Variants in ZNF221 observed in about 807,000 individuals in gnomAD.
The protein encoded by ZNF221 is zinc finger protein 221.
Under a neutral mutation model 12.6 loss-of-function variants are expected in ZNF221, and 10 were observed. That is an observed-to-expected ratio of 0.79 (90% confidence interval 0.49 to 1.34). The LOEUF (loss-of-function observed/expected upper bound fraction) is 1.34. Ranked by LOEUF, ZNF221 falls within the 40% of genes most tolerant of loss-of-function variation. The pLI is 0.00. For synonymous variants in ZNF221, 232 were observed against 244.0 expected (o/e 0.95, Z 0.46); for missense variants, 661 against 721.4 (o/e 0.92, Z 0.96).
chr19:43,966,519 A>T lies in ZNF221; in HGVS notation c.1017A>T (p.Arg339Ser). ...SMVHTGEKPFRCDTCGKNFRQ... is the reference protein window; with the variant it reads ...SMVHTGEKPFSCDTCGKNFRQ... Reference sequence around the variant, plus strand: ...TTCACACAGGAGAAAAACCATTCAGATGTGATACATGTGGCAAGAACTTTC... The same window carrying T: ...TTCACACAGGAGAAAAACCATTCAGTTGTGATACATGTGGCAAGAACTTTC... The change falls in exon 5 of 5, where the codon AGA becomes AGT. Residue 339 changes from arginine (R) to serine (S), a missense_variant. Arg to Ser is a moderately radical substitution (Grantham distance 110). Transcript: ENST00000587682. 1 of 1,614,152 alleles carries T rather than the reference A, an allele frequency of 6.2e-7. No homozygotes were observed. Among genetic ancestry groups the T allele is most frequent in the South Asian group, 1.1e-5 (1 of 91,084 alleles).
chr19:43,965,705 G>A, intron 4 of ZNF221, 99 bp from the exon 5 acceptor site: 1 of 1,148,740 alleles, frequency 8.7e-7, no homozygotes, highest in Non-Finnish European at 1.2e-6. Flanking sequence ...AATGTTTCCT[G>A]TTTTCATTAA....
At chr19:43,968,920 T>TA (rs1300986373), downstream of ZNF221, among the ~76,000 whole-genome samples, 1 of 152,186 alleles carries the variant, frequency 6.6e-6, no homozygotes, top group African/African-American at 2.4e-5. Flanking sequence ...GCCTTGGGTT[T>TA]GATACACAGA....
downstream of ZNF221, among the ~76,000 whole-genome samples, chr19:43,970,262 A>G (rs970467900): frequency 2.0e-5 from 3 of 152,228 alleles, no homozygotes; most frequent in African/African-American, 7.2e-5. Flanking sequence ...ACCCCATTCA[A>G]GGGTCAGCAA....
the ZNF221 span, among the ~76,000 whole-genome samples, chr19:43,979,491 T>G: frequency 6.6e-6 from 1 of 151,612 alleles, no homozygotes. Context: ...TGGCTTTGAG[T>G]AGGGATATTA....
In ZNF221 at chr19:43,967,204, G is replaced by A. The variant is rs1388356520; in HGVS notation, c.1702G>A (p.Gly568Arg). 9 of 1,593,802 alleles carry A rather than the reference G, an allele frequency of 5.6e-6. No homozygotes were observed. The highest frequency in any genetic ancestry group is 4.0e-5 in the African/African-American group (3 of 74,894). Residue 568 changes from glycine to arginine, a missense_variant, in exon 5 of 5, where the codon GGA (glycine) becomes AGA (arginine). Gly to Arg is a moderately radical substitution (Grantham distance 125). Transcript: ENST00000587682. ...GERPYNCKEC[G>R]KSFGWASCLL... ...GCGACCCTATAATTGTAAGGAATGT[G>A]GAAAGAGCTTTGGCTGGGCTTCATG...
At chr19:43,965,627 A>T (rs1481510948) in intron 4 of ZNF221, among the ~76,000 whole-genome samples, 177 bp from the exon 5 acceptor site, 1 of 152,176 alleles carries the variant, frequency 6.6e-6, no homozygotes, top group African/African-American at 2.4e-5. Flanking sequence ...TACATATGAG[A>T]TGTGATGTGG....
the ZNF221 span, among the ~76,000 whole-genome samples, chr19:43,974,486 A>T: frequency 6.6e-6 from 1 of 152,240 alleles, no homozygotes; most frequent in Non-Finnish European, 1.5e-5. Flanking sequence ...AAATCTTTGC[A>T]ATCTGTCCAT....
In ZNF221 at chr19:43,958,173, C is replaced by G. The variant is rs573727747; in HGVS notation, c.-2-4552C>G. Among the ~76,000 whole-genome samples the G allele has an allele frequency of 4.6e-5, 7 of 152,338 alleles. No individual in the cohort carries two copies. The South Asian group carries it at 1.4e-3, about 32-fold the overall frequency. On this transcript the variant is annotated intron_variant, in intron 1 of 4. Coordinates refer to ENST00000587682, the MANE Select transcript of ZNF221 (RefSeq NM_001297588.2). ...CCCAGTTAAACAGGTTAAAATCCAT[C>G]TGGATGTGTACATAACTGAGGTCCA...
intron 1 of ZNF221, among the ~76,000 whole-genome samples, chr19:43,955,326 A>G (rs1344787442): frequency 6.6e-6 from 1 of 152,130 alleles, no homozygotes; most frequent in Admixed American, 6.5e-5. Flanking sequence ...AACAGTTTTC[A>G]TCTGCATTTT....
Position 43,966,129 on chromosome 19 carries a change from C to G in ZNF221, c.627C>G (p.Tyr209Ter), listed in dbSNP as rs778972424. Residue 209 changes from tyrosine to a stop codon, truncating the protein, a stop_gained, in exon 5 of 5, where the codon TAC becomes TAG. Coordinates refer to ENST00000587682, the MANE Select transcript of ZNF221 (RefSeq NM_001297588.2). LOFTEE classifies it low-confidence loss of function (END_TRUNC). ...TCGECGKSFC[Y>*]SPALHIHQRV... ...GTGAGTGTGGAAAAAGCTTCTGTTA[C>G]AGCCCAGCCCTTCATATTCATCAGA... The G allele has an allele frequency of 6.2e-7, 1 of 1,614,218 alleles. No homozygotes were observed. The highest frequency in any genetic ancestry group is 8.5e-7 in the Non-Finnish European group (1 of 1,180,038).
At chr19:43,954,623 C>T (rs749173810) in intron 1 of ZNF221, among the ~76,000 whole-genome samples, 94 of 152,240 alleles carry the variant, frequency 6.2e-4, no homozygotes, top group Non-Finnish European at 1.1e-3. Context: ...AAGGCACAAC[C>T]CATCCCCATC....
At chr19:43,965,381 C>T in intron 4 of ZNF221, 56 bp downstream of exon 4, 1 of 1,449,608 alleles carries the variant, frequency 6.9e-7, no homozygotes, top group Non-Finnish European at 9.4e-7. Flanking sequence ...TGTTTTACTT[C>T]TGTCCATGCC....
chr19:43,956,195 A>C (rs1254961130), intron 1 of ZNF221, among the ~76,000 whole-genome samples: 2 of 152,160 alleles, frequency 1.3e-5, no homozygotes, highest in Non-Finnish European at 2.9e-5. Context: ...CCATACCAGC[A>C]CTTCAGATTC....
At chr19:43,977,873 C>T in the ZNF221 span, among the ~76,000 whole-genome samples, 2 of 152,168 alleles carry the variant, frequency 1.3e-5, no homozygotes, top group African/African-American at 4.8e-5. Context: ...CCTCTGGGTT[C>T]TGTGATTTAC....
chr19:43,969,334 C>CTTTTTT (rs60512580), downstream of ZNF221, among the ~76,000 whole-genome samples: 1 of 57,998 alleles, frequency 1.7e-5, no homozygotes, highest in African/African-American at 7.3e-5. Context: ...CAGACTGCTG[C>CTTTTTT]TTTTTTTTTT....
chr19:43,967,643 T>A lies in ZNF221; in HGVS notation c.*287T>A. 1 of 307,434 alleles carries A rather than the reference T, an allele frequency of 3.3e-6. No individual in the cohort carries two copies. The highest frequency in any genetic ancestry group is 6.0e-6 in the Non-Finnish European group (1 of 166,054). 19.0% of individuals were successfully genotyped at this position (307,434 alleles called of 1,614,324 possible). Reference sequence around the variant, plus strand: ...ACAGGTGCCCGCCACCACACCCAGCTAATTTTTTGTATTTTTAGTAGAGAC... The same window carrying A: ...ACAGGTGCCCGCCACCACACCCAGCAAATTTTTTGTATTTTTAGTAGAGAC... On this transcript the variant is annotated 3_prime_UTR_variant, in exon 5 of 5. Coordinates refer to ENST00000587682, the MANE Select transcript of ZNF221 (RefSeq NM_001297588.2).
the ZNF221 span, among the ~76,000 whole-genome samples, chr19:43,974,549 GA>G: frequency 1.3e-5 from 2 of 151,256 alleles, no homozygotes; most frequent in Non-Finnish European, 2.9e-5. Flanking sequence ...AAATTTACGA[GA>G]AAAAAAACCA....
downstream of ZNF221, among the ~76,000 whole-genome samples, chr19:43,970,153 A>G (rs899812259): frequency 6.6e-6 from 1 of 152,166 alleles, no homozygotes; most frequent in Non-Finnish European, 1.5e-5. Context: ...AGCAGACCCC[A>G]GCAAACTGTG....
At chr19:43,965,669 A>G (rs1203638619) in intron 4 of ZNF221, 135 bp from the exon 5 acceptor site, 14 of 777,494 alleles carry the variant, frequency 1.8e-5, no homozygotes, top group African/African-American at 3.5e-5. Context: ...ACCAAAGACC[A>G]TAGTGCACTC....
Sources: allele counts gnomAD v4.1 joint callset (sites outside exome capture counted in the v4.1 genomes callset), GRCh38; gene constraint gnomAD v4.1.1; transcripts MANE v1.5; gene names NCBI Gene and HGNC (gene_info 2026-07-23, HGNC 2026-07-21).